PDE1A: variants seen among roughly 807,000 people sequenced by gnomAD.
PDE1A encodes dual specificity calcium/calmodulin-dependent 3',5'-cyclic nucleotide phosphodiesterase 1A.
In PDE1A, 35 loss-of-function variants were observed where a neutral mutation model predicts 61.7. The observed-to-expected ratio is 0.57, with a 90% CI of 0.43 to 0.75. The LOEUF (loss-of-function observed/expected upper bound fraction) is 0.75, where lower values mean the gene tolerates loss of function less well. PDE1A is among the 30% of genes least tolerant of loss of function. The pLI is 0.00. For synonymous variants in PDE1A, 232 were observed against 213.2 expected (o/e 1.09, Z -0.77); for missense variants, 597 against 630.6 (o/e 0.95, Z 0.57).
At chr2:182,164,548 T>A (rs1209869792), downstream of PDE1A, among the ~76,000 whole-genome samples, 1 of 152,128 alleles carries the variant, frequency 6.6e-6, no homozygotes, top group Non-Finnish European at 1.5e-5. Context: ...ACCCATTCTG[T>A]GGATACCAGT....
At chr2:182,460,275 G>A (rs747702621) in intron 2 of PDE1A, among the ~76,000 whole-genome samples, 1 of 152,002 alleles carries the variant, frequency 6.6e-6, no homozygotes, top group African/African-American at 2.4e-5. Flanking sequence ...CAGCCTCTTC[G>A]GTGACAGGTG....
intron 13 of PDE1A, among the ~76,000 whole-genome samples, chr2:182,174,742 A>G (rs1692571673): frequency 6.6e-6 from 1 of 151,652 alleles, no homozygotes; most frequent in Non-Finnish European, 1.5e-5. Flanking sequence ...TATTTATTTT[A>G]TTTTATTTTA....
intron 5 of PDE1A, 58 bp from the exon 6 acceptor site, chr2:182,230,204 C>A: frequency 7.4e-7 from 1 of 1,358,810 alleles, no homozygotes; most frequent in Non-Finnish European, 1.0e-6. Context: ...CTAAATCAAC[C>A]TGAGCACTGT....
chr2:182,150,159 T>C (rs770950944), intron 13 of PDE1A, among the ~76,000 whole-genome samples: 1 of 152,166 alleles, frequency 6.6e-6, no homozygotes, highest in African/African-American at 2.4e-5. Context: ...AAAAATACCA[T>C]AAATGTTGAT....
intron 1 of PDE1A, among the ~76,000 whole-genome samples, chr2:182,331,048 C>T (rs746253536): frequency 6.6e-6 from 1 of 152,128 alleles, no homozygotes; most frequent in Non-Finnish European, 1.5e-5. Context: ...AACATCTCCA[C>T]CAAGGGGGCT....
chr2:182,659,239 T>C, the PDE1A span, among the ~76,000 whole-genome samples: 1 of 152,288 alleles, frequency 6.6e-6, no homozygotes, highest in South Asian at 2.1e-4. Flanking sequence ...AGGAAATTTG[T>C]CTCTAGACAA....
chr2:182,148,542 C>A (rs1690615907), intron 13 of PDE1A, among the ~76,000 whole-genome samples: 1 of 152,208 alleles, frequency 6.6e-6, no homozygotes. Context: ...TCTCTGGCTT[C>A]TTTACAATGT....
exon 1 of PDE1A, chr2:182,426,846 TC>T: frequency 7.3e-7 from 1 of 1,368,040 alleles, no homozygotes; most frequent in Non-Finnish European, 9.4e-7. Context: ...GTTGGGGCAC[TC>T]CCCCACAGAG....
intron 2 of PDE1A, among the ~76,000 whole-genome samples, chr2:182,487,910 T>C (rs1348601726): frequency 2.6e-5 from 4 of 152,206 alleles, no homozygotes; most frequent in African/African-American, 9.7e-5. Flanking sequence ...TCATGCATAA[T>C]ATGTTCAAAA....
At chr2:182,700,711 G>A in the PDE1A span, among the ~76,000 whole-genome samples, 76 of 29,768 alleles carry the variant, frequency 2.6e-3, no homozygotes, top group African/African-American at 6.5e-3. Context: ...GACAGAGCAA[G>A]ACTCCATCTC....
chr2:182,505,079 A>T (rs931007684), intron 2 of PDE1A, among the ~76,000 whole-genome samples: 1 of 152,216 alleles, frequency 6.6e-6, no homozygotes. Flanking sequence ...AAACTTCAGC[A>T]GGCAATTTTC....
intron 1 of PDE1A, among the ~76,000 whole-genome samples, chr2:182,299,330 A>G (rs1695083650): frequency 6.6e-6 from 1 of 151,340 alleles, no homozygotes; most frequent in South Asian, 2.1e-4. Flanking sequence ...TGATATACTT[A>G]GCAACCAGGA....
Position 182,413,268 on chromosome 2 carries a change from C to T in PDE1A, c.53+13310G>A, listed in dbSNP as rs185497986. Among the ~76,000 whole-genome samples, 489 of 152,154 alleles carry T rather than the reference C, an allele frequency of 3.2e-3. 8 individuals are homozygous for T. The highest frequency in any genetic ancestry group is 0.011 in the African/African-American group (469 of 41,504). Reference sequence around the variant, plus strand: ...ATTACAAATGAAAGGAGTGACATAACCATGACAAAGTTTAAAGACTAATCT... The same window carrying T: ...ATTACAAATGAAAGGAGTGACATAATCATGACAAAGTTTAAAGACTAATCT... On this transcript the variant is annotated intron_variant, in intron 1 of 13. Transcript: ENST00000351439.
intron 7 of PDE1A, among the ~76,000 whole-genome samples, chr2:182,214,226 T>A (rs1687946739): frequency 6.6e-6 from 1 of 151,372 alleles, no homozygotes. Context: ...AGAGATTTTG[T>A]CACCACCAGG....
At chr2:182,643,630 T>C in the PDE1A span, among the ~76,000 whole-genome samples, 1 of 152,190 alleles carries the variant, frequency 6.6e-6, no homozygotes, top group Non-Finnish European at 1.5e-5. Flanking sequence ...AGAGGAGTCA[T>C]GAAAGAGAAA....
At chr2:182,357,127 A>G (rs915722172) in intron 1 of PDE1A, among the ~76,000 whole-genome samples, 3 of 152,088 alleles carry the variant, frequency 2.0e-5, no homozygotes, top group Admixed American at 6.6e-5. Context: ...ACATGTATAC[A>G]TATGTAACAA....
chr2:182,677,031 C>A, the PDE1A span, among the ~76,000 whole-genome samples: 1 of 152,144 alleles, frequency 6.6e-6, no homozygotes, highest in East Asian at 1.9e-4. Flanking sequence ...CTCACCACTC[C>A]TATTCAACAT....
At chr2:182,222,455 T>C (rs1401773899) in intron 7 of PDE1A, among the ~76,000 whole-genome samples, 1 of 151,984 alleles carries the variant, frequency 6.6e-6, no homozygotes, top group Non-Finnish European at 1.5e-5. Flanking sequence ...TTGTGTGTGA[T>C]ACTGCAATGG....
chr2:182,254,939 C>T (rs1325465639), intron 2 of PDE1A, among the ~76,000 whole-genome samples: 1 of 152,150 alleles, frequency 6.6e-6, no homozygotes, highest in African/African-American at 2.4e-5. Context: ...TTCAACTCCC[C>T]TGGACACAAT....
Sources: allele counts gnomAD v4.1 joint callset (sites outside exome capture counted in the v4.1 genomes callset), GRCh38; gene constraint gnomAD v4.1.1; transcripts MANE v1.5; gene names NCBI Gene and HGNC (gene_info 2026-07-23, HGNC 2026-07-21).